PSMD1: variants seen among roughly 807,000 people sequenced by gnomAD.
PSMD1 encodes the protein proteasome 26S subunit, non-ATPase 1.
PSMD1 carries 18 observed loss-of-function variants against 119.0 expected under a neutral mutation model. That is an observed-to-expected ratio of 0.15 (90% CI 0.10 to 0.22). The LOEUF is 0.22. PSMD1 is among the 10% of genes least tolerant of loss of function. The pLI, the probability that PSMD1 is intolerant of heterozygous loss-of-function variation, is 1.00. For missense variants in PSMD1, 702 were observed against 1,158.5 expected (o/e 0.61, Z 5.72); for synonymous variants, 374 against 396.6 (o/e 0.94, Z 0.68).
chr2:231,065,021 T>C (rs1166461392), intron 4 of PSMD1, among the ~76,000 whole-genome samples: 1 of 150,980 alleles, frequency 6.6e-6, no homozygotes, highest in Non-Finnish European at 1.5e-5. Context: ...TTGAATGTAG[T>C]ATATTCCAAT....
intron 15 of PSMD1, among the ~76,000 whole-genome samples, chr2:231,086,738 T>A (rs1694452748): frequency 6.6e-6 from 1 of 152,088 alleles, no homozygotes; most frequent in Admixed American, 6.5e-5. Context: ...TGAATTGAAA[T>A]TTTTCAATAA....
At chr2:231,149,123 C>G (rs1394283961) in intron 18 of PSMD1, among the ~76,000 whole-genome samples, 1 of 152,198 alleles carries the variant, frequency 6.6e-6, no homozygotes, top group Non-Finnish European at 1.5e-5. Context: ...TGTCACATCC[C>G]TAACACTTAG....
chr2:231,069,922 T>C, intron 5 of PSMD1, 103 bp from the exon 6 acceptor site: 1 of 978,262 alleles, frequency 1.0e-6, no homozygotes, highest in Non-Finnish European at 1.3e-6. Flanking sequence ...ATAATTGGCT[T>C]CCTAGATTGG....
At position 231,149,480 on chromosome 2, in the gene PSMD1, CA is replaced by C. The variant is rs549219870; in HGVS notation, c.2115+3131del. On this transcript the variant is annotated intron_variant, in intron 18 of 24. Transcript: ENST00000308696. ...CAAGACCCTATCTCTAAAAAACAAA[CA>C]AAAAAATCACCATTAACAGTTACTC... 2.0e-4 allele frequency among the ~76,000 whole-genome samples: 31 copies of C among 152,096 alleles called. No homozygotes were observed. In the East Asian group the frequency reaches 5.2e-3, roughly 26 times the overall value.
At chr2:231,058,715 A>G (rs1008823558) in intron 1 of PSMD1, among the ~76,000 whole-genome samples, 1 of 151,748 alleles carries the variant, frequency 6.6e-6, no homozygotes, top group Admixed American at 6.6e-5. Flanking sequence ...TCTTCACTCA[A>G]TACATCCTAA....
At chr2:231,099,903 G>A (rs895403908) in intron 16 of PSMD1, among the ~76,000 whole-genome samples, 3 of 152,092 alleles carry the variant, frequency 2.0e-5, no homozygotes, top group Non-Finnish European at 2.9e-5. Flanking sequence ...ATACTTTACC[G>A]GCTCCCACGG....
At chr2:231,066,570 G>A (rs1045504219) in intron 4 of PSMD1, among the ~76,000 whole-genome samples, 2 of 151,986 alleles carry the variant, frequency 1.3e-5, no homozygotes, top group African/African-American at 4.8e-5. Flanking sequence ...TAAGAGACAG[G>A]GTCCCATTGT....
In PSMD1 at chr2:231,077,029, G is replaced by A; in HGVS notation, c.943-5G>A. The stretch of plus-strand genomic sequence containing the variant: ...TTTTCATTTTTTTTTTGTTTGTTTT[G>A]GCAGAGTCCAGAGCCTAAGGACCAG... On this transcript the variant is annotated splice_region_variant and splice_polypyrimidine_tract_variant and intron_variant, in intron 8 of 24. Coordinates refer to ENST00000308696, the MANE Select transcript of PSMD1 (RefSeq NM_002807.4). The A allele has an allele frequency of 6.4e-7, 1 of 1,570,856 alleles. No homozygotes were observed. Among genetic ancestry groups the A allele is most frequent in the Non-Finnish European group, 8.6e-7 (1 of 1,167,100 alleles).
intron 9 of PSMD1, among the ~76,000 whole-genome samples, chr2:231,077,756 T>G (rs1694202922): frequency 2.0e-5 from 3 of 152,200 alleles, no homozygotes; most frequent in African/African-American, 7.2e-5. Context: ...AAAATCTTCC[T>G]TCTCGCTCTC....
intron 19 of PSMD1, 89 bp downstream of exon 19, chr2:231,153,755 T>C: frequency 4.2e-6 from 4 of 952,156 alleles, no homozygotes; most frequent in African/African-American, 1.7e-5. Context: ...ATAATGGAAA[T>C]TGAGTCTGAG....
intron 6 of PSMD1, among the ~76,000 whole-genome samples, chr2:231,070,524 T>C (rs1284027327): frequency 1.3e-5 from 2 of 152,110 alleles, no homozygotes; most frequent in African/African-American, 4.8e-5. Flanking sequence ...TAAAGAGAAT[T>C]CAAAGTGTAT....
chr2:231,085,065 A>T lies in PSMD1; in HGVS notation c.1769A>T (p.Tyr590Phe), dbSNP rs1384095515. 1 of 1,613,940 alleles carries T rather than the reference A, an allele frequency of 6.2e-7. No individual in the cohort carries two copies. The highest frequency in any genetic ancestry group is 8.5e-7 in the Non-Finnish European group (1 of 1,179,934). ...RSGMYTVAMAYCGSGNNKAIR... is the reference protein window; with the variant it reads ...RSGMYTVAMAFCGSGNNKAIR... ...GGAATGTATACTGTAGCCATGGCTT[A>T]TTGTGGCTCTGGTAACAACAAAGCA... Residue 590 changes from tyrosine to phenylalanine, a missense_variant, in exon 15 of 25, where the codon TAT becomes TTT. Physicochemically the swap from Tyr to Phe is conservative, Grantham distance 22. This residue lies in a region of PSMD1 where 272 missense variants were observed against 511.6 expected (regional missense o/e 0.53). Transcript: ENST00000308696.
chr2:231,139,864 G>C (rs143799601), intron 17 of PSMD1, among the ~76,000 whole-genome samples: 5 of 152,258 alleles, frequency 3.3e-5, no homozygotes, highest in African/African-American at 1.2e-4. Flanking sequence ...GTGATGATTT[G>C]AAAACATAAT....
intron 16 of PSMD1, among the ~76,000 whole-genome samples, chr2:231,134,704 A>G (rs964384729): frequency 1.3e-5 from 2 of 152,244 alleles, no homozygotes; most frequent in Admixed American, 6.5e-5. Flanking sequence ...TTCCTTTCCA[A>G]CAACATTTAT....
At position 231,083,694 on chromosome 2, in the gene PSMD1, C is replaced by T. The variant is rs762526196; in HGVS notation, c.1653C>T (p.Gly551=). ...HEKILRGLAV[G]IALVMYGRME... ...AGATTCTGCGTGGTCTTGCAGTTGG[C>T]ATAGCTTTAGTAATGTATGGGAGGA... The change falls in exon 14 of 25, where the codon GGC becomes GGT. Residue 551 remains glycine (G), a synonymous_variant. Coordinates refer to ENST00000308696, the MANE Select transcript of PSMD1 (RefSeq NM_002807.4). 1 of 1,614,162 alleles carries T rather than the reference C, an allele frequency of 6.2e-7. No homozygotes were observed. Among genetic ancestry groups the T allele is most frequent in the Non-Finnish European group, 8.5e-7 (1 of 1,180,040 alleles).
intron 20 of PSMD1, chr2:231,163,394 A>T: frequency 2.5e-6 from 1 of 406,382 alleles, no homozygotes; most frequent in East Asian, 3.8e-5. Flanking sequence ...TGGTTTGTTC[A>T]TAAAGATAAA....
At chr2:231,075,472 C>T (rs758499187) in intron 7 of PSMD1, 39 bp from the exon 8 acceptor site, 31 of 1,588,610 alleles carry the variant, frequency 2.0e-5, no homozygotes, top group African/African-American at 9.5e-5. Context: ...ACAAATTGTA[C>T]TTCTCTTCAG....
rs76362391 is a variant in PSMD1 at position 231,118,257 on chromosome 2, A to G, written c.1884-20479A>G. Among the ~76,000 whole-genome samples, 145 of 152,282 alleles carry G rather than the reference A, an allele frequency of 9.5e-4. 1 individual carries two copies. The East Asian group carries it at 0.016, about 17-fold the overall frequency. On this transcript the variant is annotated intron_variant, in intron 16 of 24. Transcript: ENST00000308696. Reference sequence around the variant, plus strand: ...ATGTTAGTGCTTATTACTATTGTTTAACAGAAACTAGCCAACTAACTCAAC... The same window carrying G: ...ATGTTAGTGCTTATTACTATTGTTTGACAGAAACTAGCCAACTAACTCAAC...
At chr2:231,119,770 C>T (rs1695466966) in intron 16 of PSMD1, among the ~76,000 whole-genome samples, 2 of 144,948 alleles carry the variant, frequency 1.4e-5, no homozygotes, top group Admixed American at 1.4e-4. Flanking sequence ...ACTCGGGAGG[C>T]TGAGGCAGGA....
Sources: allele counts gnomAD v4.1 joint callset (sites outside exome capture counted in the v4.1 genomes callset), GRCh38; gene constraint gnomAD v4.1.1; regional missense constraint gnomAD v4.1.1; transcripts MANE v1.5; gene names NCBI Gene and HGNC (gene_info 2026-07-23, HGNC 2026-07-21).